The following HDAC9 variants were observed in gnomAD, a reference collection of about 807,000 sequenced individuals.
HDAC9 encodes MEF-2 interacting transcription repressor (MITR) protein.
In HDAC9, 41 loss-of-function variants were observed where a neutral mutation model predicts 139.4. The ratio of observed to expected loss-of-function variants is 0.29; its 90% confidence interval spans 0.23 to 0.38. The LOEUF is 0.38. Among genes scored for constraint, HDAC9 ranks in the 10% least tolerant of loss-of-function variants. The pLI is 1.00. For missense variants in HDAC9, 1,147 were observed against 1,297.0 expected (o/e 0.88, Z 1.78); for synonymous variants, 517 against 476.2 (o/e 1.09, Z -1.12).
At chr7:18,380,060 C>G (rs1332764747) in intron 1 of HDAC9, among the ~76,000 whole-genome samples, 1 of 152,092 alleles carries the variant, frequency 6.6e-6, no homozygotes, top group Non-Finnish European at 1.5e-5. Context: ...ACTCTGATCT[C>G]TAAGTAAAAT....
intron 16 of HDAC9, among the ~76,000 whole-genome samples, chr7:18,781,098 T>G (rs953279029): frequency 2.6e-5 from 4 of 152,038 alleles, no homozygotes; most frequent in African/African-American, 9.7e-5. Context: ...CACAAGCTTT[T>G]CTCTGTTCAT....
intron 1 of HDAC9, among the ~76,000 whole-genome samples, chr7:18,474,088 A>G (rs759331237): frequency 1.3e-5 from 2 of 152,184 alleles, no homozygotes; most frequent in African/African-American, 2.4e-5. Flanking sequence ...GAGGAAGGCT[A>G]TTTCTTTCCG....
intron 1 of HDAC9, among the ~76,000 whole-genome samples, chr7:18,308,711 ATG>A (rs1229502639): frequency 3.3e-5 from 5 of 152,032 alleles, no homozygotes; most frequent in Admixed American, 6.6e-5. Context: ...ATATATATAT[ATG>A]TGTGTACGTG....
At chr7:18,935,781 T>C in intron 22 of HDAC9, 28 bp from the exon 23 acceptor site, 2 of 1,602,712 alleles carry the variant, frequency 1.2e-6, no homozygotes, top group Non-Finnish European at 1.7e-6. Context: ...ATTTAATACT[T>C]TGAAATGTTC....
chr7:18,411,656 T>TAAGCCAC, intron 1 of HDAC9, among the ~76,000 whole-genome samples: 1 of 152,276 alleles, frequency 6.6e-6, no homozygotes. Flanking sequence ...ATTACAGGCG[T>TAAGCCAC]AAGCCACTGT....
At chr7:18,558,551 C>T (rs934323930) in intron 2 of HDAC9, among the ~76,000 whole-genome samples, 1 of 152,020 alleles carries the variant, frequency 6.6e-6, no homozygotes, top group African/African-American at 2.4e-5. Flanking sequence ...TCTGATAATG[C>T]CAAGATGATA....
Position 18,780,309 on chromosome 7 carries a change from C to A in HDAC9, c.2215-13036C>A, listed in dbSNP as rs149786445. On this transcript the variant is annotated intron_variant, in intron 16 of 25. Coordinates refer to ENST00000686413, the MANE Select transcript of HDAC9 (RefSeq NM_178425.4). ...AGTACTTTATCCAAATTTAAAACAGCTTTTTACAAAATTCATTTTTCTTGA... is the reference window on the plus strand; with the variant it reads ...AGTACTTTATCCAAATTTAAAACAGATTTTTACAAAATTCATTTTTCTTGA... 3.0e-4 allele frequency among the ~76,000 whole-genome samples: 45 copies of A among 152,170 alleles called. 1 individual carries two copies. The East Asian group carries it at 6.6e-3, about 22-fold the overall frequency.
At chr7:18,392,399 G>GGATAGATAGATGGATA (rs1786608742) in intron 1 of HDAC9, among the ~76,000 whole-genome samples, 1 of 146,748 alleles carries the variant, frequency 6.8e-6, no homozygotes, top group African/African-American at 2.5e-5. Context: ...ATAGATAGAT[G>GGATAGATAGATGGATA]GATAGATAGA....
intron 17 of HDAC9, among the ~76,000 whole-genome samples, chr7:18,800,932 C>G (rs1793235869): frequency 6.6e-6 from 1 of 152,054 alleles, no homozygotes; most frequent in Admixed American, 6.6e-5. Flanking sequence ...CATCTTATTA[C>G]AATTACATTC....
chr7:18,383,379 G>A (rs1305484997), intron 1 of HDAC9, among the ~76,000 whole-genome samples: 1 of 152,136 alleles, frequency 6.6e-6, no homozygotes, highest in Non-Finnish European at 1.5e-5. Context: ...AGAACTAGAT[G>A]AACACTATTA....
At chr7:18,264,011 A>G (rs1182290140) in intron 2 of HDAC9, among the ~76,000 whole-genome samples, 1 of 152,238 alleles carries the variant, frequency 6.6e-6, no homozygotes, top group Non-Finnish European at 1.5e-5. Context: ...TGAAGAAGAC[A>G]TAGGAATTGT....
chr7:18,887,340 G>A (rs1319642134), intron 22 of HDAC9, among the ~76,000 whole-genome samples: 2 of 152,226 alleles, frequency 1.3e-5, no homozygotes. Flanking sequence ...CTGATCTAGG[G>A]ACCAGGCTTT....
chr7:18,587,727 C>T (rs542259313), intron 3 of HDAC9, among the ~76,000 whole-genome samples: 1 of 152,288 alleles, frequency 6.6e-6, no homozygotes. Context: ...CTGTCTGCCT[C>T]CAAAGCTCTT....
At chr7:18,676,848 T>G (rs957578004) in intron 12 of HDAC9, among the ~76,000 whole-genome samples, 1 of 151,926 alleles carries the variant, frequency 6.6e-6, no homozygotes, top group African/African-American at 2.4e-5. Context: ...TAAAAGGGAC[T>G]CTCTTAGGGA....
intron 1 of HDAC9, among the ~76,000 whole-genome samples, chr7:18,386,114 A>G (rs1785906522): frequency 6.6e-6 from 1 of 152,124 alleles, no homozygotes; most frequent in African/African-American, 2.4e-5. Flanking sequence ...GGTGAAAGCC[A>G]TTCAGGCTCA....
intron 16 of HDAC9, among the ~76,000 whole-genome samples, chr7:18,782,335 A>G (rs1181190596): frequency 2.6e-5 from 4 of 152,126 alleles, no homozygotes; most frequent in African/African-American, 9.7e-5. Flanking sequence ...AGGAAGCAAC[A>G]GGCTGCATTT....
At chr7:18,145,494 G>T (rs1434321645) in intron 1 of HDAC9, among the ~76,000 whole-genome samples, 1 of 152,100 alleles carries the variant, frequency 6.6e-6, no homozygotes, top group Non-Finnish European at 1.5e-5. Flanking sequence ...GTGCATATTT[G>T]TTGGGCTAAT....
intron 2 of HDAC9, among the ~76,000 whole-genome samples, chr7:18,221,526 G>A (rs943597721): frequency 6.6e-6 from 1 of 152,124 alleles, no homozygotes. Context: ...AGTCTTTACA[G>A]TATCCTTATA....
At chr7:18,884,795 C>T (rs12700009) in intron 22 of HDAC9, among the ~76,000 whole-genome samples, 6,133 of 152,176 alleles carry the variant, frequency 0.04, 291 homozygotes, top group African/African-American at 0.11. Context: ...GGAAAGAATG[C>T]CTTCGACCTT....
Sources: allele counts gnomAD v4.1 joint callset (sites outside exome capture counted in the v4.1 genomes callset), GRCh38; gene constraint gnomAD v4.1.1; transcripts MANE v1.5; gene names NCBI Gene and HGNC (gene_info 2026-07-23, HGNC 2026-07-21).